Variants in ADAMTS3 observed in about 807,000 individuals in gnomAD.
The protein encoded by ADAMTS3 is A disintegrin and metalloproteinase with thrombospondin motifs 3.
In ADAMTS3, 73 loss-of-function variants were observed where a neutral mutation model predicts 129.0. That is an observed-to-expected ratio of 0.57 (90% CI 0.47 to 0.69). The LOEUF (loss-of-function observed/expected upper bound fraction) is 0.69. Among genes scored for constraint, ADAMTS3 ranks in the 30% least tolerant of loss-of-function variants. ADAMTS3 has a pLI of 0.00. For missense variants in ADAMTS3, 1,457 were observed against 1,514.5 expected, an observed-to-expected ratio of 0.96 and a Z score of 0.63; for synonymous variants, 477 against 510.8, an observed-to-expected ratio of 0.93 and a Z score of 0.89.
In ADAMTS3 at chr4:72,560,513, G is replaced by A. The variant is rs555181114; in HGVS notation, c.97+6861C>T. 2.6e-5 allele frequency among the ~76,000 whole-genome samples: 4 copies of A among 152,200 alleles called. No individual in the cohort carries two copies. In the South Asian group the frequency reaches 6.2e-4, roughly 24 times the overall value. Reference sequence around the variant, plus strand: ...TGGAATACTATGCAGCCACAAAAACGAACAAGATCATGTCCTTTGCAGGAA... The same window carrying A: ...TGGAATACTATGCAGCCACAAAAACAAACAAGATCATGTCCTTTGCAGGAA... On this transcript the variant is annotated intron_variant, in intron 2 of 21. Coordinates refer to ENST00000286657, the MANE Select transcript of ADAMTS3 (RefSeq NM_014243.3).
Position 72,536,456 on chromosome 4 carries a change from C to T in ADAMTS3, c.504+12022G>A, listed in dbSNP as rs1578774697. ...TATTTTATTTTGCAAACTTAACCATCATTATTATTAATCACAAAATGCTAA... is the reference window on the plus strand; with the variant it reads ...TATTTTATTTTGCAAACTTAACCATTATTATTATTAATCACAAAATGCTAA... On this transcript the variant is annotated intron_variant, in intron 3 of 21. Transcript: ENST00000286657. Among the ~76,000 whole-genome samples the T allele has an allele frequency of 2.0e-5, 3 of 152,262 alleles. No homozygotes were observed. In the South Asian group the frequency reaches 6.2e-4, roughly 32 times the overall value.
chr4:72,393,082 C>T (rs1721641258), intron 4 of ADAMTS3, among the ~76,000 whole-genome samples: 1 of 152,074 alleles, frequency 6.6e-6, no homozygotes, highest in Non-Finnish European at 1.5e-5. Flanking sequence ...CCTGCCACCA[C>T]ACCCAGCTAA....
intron 2 of ADAMTS3, among the ~76,000 whole-genome samples, chr4:72,563,921 T>C (rs1518489): frequency 0.48 from 72,316 of 152,070 alleles, 18,193 homozygotes; most frequent in Admixed American, 0.61. Context: ...AGGGTTAATC[T>C]AGTGACAATG....
chr4:72,297,636 G>C (rs1360076755), intron 18 of ADAMTS3, among the ~76,000 whole-genome samples: 1 of 152,064 alleles, frequency 6.6e-6, no homozygotes, highest in Non-Finnish European at 1.5e-5. Context: ...TCTGGAGAGG[G>C]AACGGAGGCA....
chr4:72,451,286 G>A (rs1019831152), intron 3 of ADAMTS3, among the ~76,000 whole-genome samples: 1 of 151,668 alleles, frequency 6.6e-6, no homozygotes, highest in Admixed American at 6.6e-5. Flanking sequence ...TGGATAAAGT[G>A]CACCTGAGCT....
chr4:72,469,985 G>A (rs1442843491), intron 3 of ADAMTS3, among the ~76,000 whole-genome samples: 1 of 152,116 alleles, frequency 6.6e-6, no homozygotes, highest in Non-Finnish European at 1.5e-5. Flanking sequence ...GGAGTCAAAA[G>A]TTACATACAG....
At chr4:72,322,474 A>C (rs561131906) in intron 6 of ADAMTS3, among the ~76,000 whole-genome samples, 1 of 152,278 alleles carries the variant, frequency 6.6e-6, no homozygotes, top group Non-Finnish European at 1.5e-5. Context: ...CTTTTGAAAA[A>C]ATTAAAGCTC....
chr4:72,563,107 G>A (rs1721944203), intron 2 of ADAMTS3, among the ~76,000 whole-genome samples: 1 of 152,102 alleles, frequency 6.6e-6, no homozygotes, highest in South Asian at 2.1e-4. Context: ...TAACATTTCT[G>A]AGCAATATTA....
intron 3 of ADAMTS3, among the ~76,000 whole-genome samples, chr4:72,434,308 C>G (rs1002035820): frequency 1.3e-5 from 2 of 151,838 alleles, no homozygotes; most frequent in Admixed American, 1.3e-4. Flanking sequence ...AACTAAATTG[C>G]ATTATTTAAA....
chr4:72,413,203 A>G (rs1722223281), intron 4 of ADAMTS3, among the ~76,000 whole-genome samples: 1 of 152,026 alleles, frequency 6.6e-6, no homozygotes, highest in African/African-American at 2.4e-5. Flanking sequence ...ATGAAACTAC[A>G]GTTATGACAG....
chr4:72,381,460 A>G (rs1432364379), intron 4 of ADAMTS3, among the ~76,000 whole-genome samples: 1 of 152,032 alleles, frequency 6.6e-6, no homozygotes, highest in Non-Finnish European at 1.5e-5. Flanking sequence ...AAAATAATCT[A>G]CATGGATCAG....
chr4:72,369,618 C>T (rs754494509), intron 4 of ADAMTS3, among the ~76,000 whole-genome samples: 1 of 151,374 alleles, frequency 6.6e-6, no homozygotes, highest in Admixed American at 6.6e-5. Flanking sequence ...GGCTGAGGCA[C>T]GAGAATTGTT....
chr4:72,486,031 T>C (rs1719582584), intron 3 of ADAMTS3, among the ~76,000 whole-genome samples: 1 of 152,174 alleles, frequency 6.6e-6, no homozygotes, highest in African/African-American at 2.4e-5. Context: ...TGTTTAGAAA[T>C]TACCCATTCT....
In ADAMTS3 at chr4:72,530,234, T is replaced by TGC. The variant is rs1560553772; in HGVS notation, c.504+18243_504+18244insGC. Among the ~76,000 whole-genome samples the TGC allele has an allele frequency of 5.1e-4, 41 of 79,844 alleles. 1 individual carries two copies. The highest frequency in any genetic ancestry group is 2.0e-3 in the African/African-American group (40 of 19,892). 52.4% of individuals were successfully genotyped at this position (79,844 alleles called of 152,430 possible). A position where few individuals can be genotyped will look rare whatever the true frequency, so the allele number is the denominator to read the frequency against. ...TATTTTAATATATATATATTATATA[T>TGC]ATTAAATATATATAATATATTTATA... is the stretch of plus-strand genomic sequence containing the variant. On this transcript the variant is annotated intron_variant, in intron 3 of 21. Transcript: ENST00000286657.
Position 72,319,844 on chromosome 4 carries a change from C to T in ADAMTS3, c.1208+14G>A, listed in dbSNP as rs776059563. 8 of 1,597,042 alleles carry T rather than the reference C, an allele frequency of 5.0e-6. No individual in the cohort carries two copies. The Admixed American group carries it at 1.2e-4, about 23-fold the overall frequency. Reference sequence around the variant, plus strand: ...GATCTTTTTTTGGCTTTATAGCTGTCAGCAGTGACTTACACATGGCCCGTT... The same window carrying T: ...GATCTTTTTTTGGCTTTATAGCTGTTAGCAGTGACTTACACATGGCCCGTT... On this transcript the variant is annotated intron_variant, in intron 8 of 21. Transcript: ENST00000286657.
intron 3 of ADAMTS3, among the ~76,000 whole-genome samples, chr4:72,483,919 G>A (rs1719509283): frequency 6.6e-6 from 1 of 152,164 alleles, no homozygotes; most frequent in South Asian, 2.1e-4. Context: ...TCAGGAGGCT[G>A]AGGCAGGAGA....
intron 4 of ADAMTS3, among the ~76,000 whole-genome samples, chr4:72,387,186 A>G (rs1432559204): frequency 6.6e-6 from 1 of 152,214 alleles, no homozygotes; most frequent in Non-Finnish European, 1.5e-5. Flanking sequence ...TGATGTAATT[A>G]GATAGCTAAA....
intron 4 of ADAMTS3, among the ~76,000 whole-genome samples, chr4:72,377,662 C>T (rs1245647034): frequency 6.6e-6 from 1 of 152,182 alleles, no homozygotes; most frequent in Non-Finnish European, 1.5e-5. Flanking sequence ...GACATAGTTC[C>T]GTTGCCAGCA....
intron 4 of ADAMTS3, among the ~76,000 whole-genome samples, chr4:72,408,293 T>C: frequency 6.6e-6 from 1 of 152,006 alleles, no homozygotes; most frequent in East Asian, 1.9e-4. Context: ...AGAAGACTCA[T>C]ATGAAAAAGA....
Sources: gnomAD v4.1 joint callset for allele counts (sites outside exome capture counted in the v4.1 genomes callset) on GRCh38, gnomAD v4.1.1 for gene constraint, MANE v1.5 for transcripts, NCBI Gene and HGNC (gene_info 2026-07-23, HGNC 2026-07-21) for gene names.